Variants in THOC1 observed in about 807,000 individuals in gnomAD.
The protein encoded by THOC1 is THO complex 1.
A neutral mutation model predicts 97.3 loss-of-function variants in THOC1; 29 were observed. That is an observed-to-expected ratio of 0.30 (90% confidence interval 0.22 to 0.41). The LOEUF (loss-of-function observed/expected upper bound fraction) is 0.41. Ranked by LOEUF, THOC1 falls within the 10% of genes least tolerant of loss-of-function variation. The pLI, the probability that THOC1 is intolerant of heterozygous loss-of-function variation, is 1.00. For synonymous variants in THOC1, 255 were observed against 257.0 expected (o/e 0.99, Z 0.07); for missense variants, 529 against 761.9 (o/e 0.69, Z 3.60).
At chr18:217,024 CAA>C (rs1910915301) in intron 18 of THOC1, among the ~76,000 whole-genome samples, 1 of 152,166 alleles carries the variant, frequency 6.6e-6, no homozygotes, top group Admixed American at 6.5e-5. Context: ...TGAAGTATAA[CAA>C]TGATCAGGGT....
intron 18 of THOC1, among the ~76,000 whole-genome samples, chr18:217,177 A>C (rs1910921968): frequency 1.3e-5 from 2 of 152,212 alleles, no homozygotes; most frequent in African/African-American, 2.4e-5. Context: ...CTCCCCTAAG[A>C]ATAGCAATTT....
chr18:238,836 CAA>C (rs1347684658), intron 11 of THOC1, among the ~76,000 whole-genome samples: 5 of 152,062 alleles, frequency 3.3e-5, no homozygotes, highest in Admixed American at 3.3e-4. Context: ...TACTCATAGT[CAA>C]TGTAAAACAA....
intron 17 of THOC1, among the ~76,000 whole-genome samples, chr18:222,634 T>C (rs1911131647): frequency 6.6e-6 from 1 of 152,066 alleles, no homozygotes; most frequent in South Asian, 2.1e-4. Context: ...GAGTTAATGA[T>C]AGTTGAGGAG....
intron 1 of THOC1, among the ~76,000 whole-genome samples, chr18:266,925 G>C (rs949218299): frequency 1.2e-4 from 18 of 151,870 alleles, no homozygotes; most frequent in African/African-American, 4.4e-4. Context: ...CAAAGAAAAT[G>C]ATTATGATGA....
At chr18:244,235 T>C (rs947330745) in intron 11 of THOC1, 1 of 152,170 alleles carries the variant, frequency 6.6e-6, no homozygotes, top group Admixed American at 6.5e-5. Context: ...TTTAAATCAT[T>C]CATGACTTTT....
At chr18:265,592 A>G (rs917382010) in intron 1 of THOC1, 62 bp from the exon 2 acceptor site, 1 of 1,313,224 alleles carries the variant, frequency 7.6e-7, no homozygotes, top group Non-Finnish European at 1.0e-6. Context: ...GCTGAAAAAT[A>G]TATCGTTCAT....
At chr18:248,979 T>C (rs1032940238) in intron 9 of THOC1, among the ~76,000 whole-genome samples, 3 of 152,250 alleles carry the variant, frequency 2.0e-5, no homozygotes, top group African/African-American at 7.2e-5. Flanking sequence ...CTCGAGTTCC[T>C]GACTTCATGA....
intron 19 of THOC1, chr18:215,784 T>G: frequency 2.4e-5 from 8 of 328,672 alleles, no homozygotes; most frequent in South Asian, 4.6e-5. Flanking sequence ...GATTTGCAAA[T>G]ACCCAGGGTT....
intron 1 of THOC1, among the ~76,000 whole-genome samples, chr18:267,236 C>T (rs1483341268): frequency 6.6e-6 from 1 of 152,088 alleles, no homozygotes; most frequent in African/African-American, 2.4e-5. Flanking sequence ...ATAAAAAGAA[C>T]AGAGTGTCTA....
At chr18:235,446 A>AT (rs1319524267) in intron 11 of THOC1, among the ~76,000 whole-genome samples, 2 of 151,886 alleles carry the variant, frequency 1.3e-5, no homozygotes, top group African/African-American at 2.4e-5. Context: ...CTTTCTTGAC[A>AT]TTTTTTCCAT....
In THOC1 at chr18:214,793, C is replaced by T. The variant is rs778910404; in HGVS notation, c.1807G>A (p.Glu603Lys). 31 of 1,613,838 alleles carry T rather than the reference C, an allele frequency of 1.9e-5. No individual in the cohort carries two copies. The highest frequency in any genetic ancestry group is 2.5e-5 in the Non-Finnish European group (29 of 1,179,884). Reference protein sequence around the residue: ...EMKDSEIRQIECDSEDMKMRA... With the variant: ...EMKDSEIRQIKCDSEDMKMRA... ...ATCTTCATGTCTTCACTGTCACACT[C>T]AATCTGCCTAATTTCTGAGTCTTTC... The change falls in exon 21 of 21, where the codon GAG (glutamate) becomes AAG (lysine). Residue 603 changes from glutamate to lysine, a missense_variant. Around this residue, in one of 8 missense-constraint regions of THOC1, gnomAD observed 98 missense variants for 111.9 expected, o/e 0.88. Transcript: ENST00000261600.
At chr18:249,774 A>G (rs1381260220) in intron 9 of THOC1, among the ~76,000 whole-genome samples, 1 of 152,246 alleles carries the variant, frequency 6.6e-6, no homozygotes, top group African/African-American at 2.4e-5. Context: ...AACAAGAACC[A>G]ATATTTGTAT....
chr18:252,486 T>C (rs367587767), intron 9 of THOC1, 53 bp downstream of exon 9: 39 of 1,359,788 alleles, frequency 2.9e-5, no homozygotes, highest in South Asian at 8.3e-5. Context: ...GGATACTCAA[T>C]AAATTAGGAG....
intron 17 of THOC1, among the ~76,000 whole-genome samples, chr18:221,088 T>C (rs1343689550): frequency 6.6e-6 from 1 of 152,210 alleles, no homozygotes; most frequent in Non-Finnish European, 1.5e-5. Flanking sequence ...CCATTATGAC[T>C]TCTTTGATTC....
At chr18:234,039 T>C (rs1911587760) in intron 11 of THOC1, among the ~76,000 whole-genome samples, 1 of 152,260 alleles carries the variant, frequency 6.6e-6, no homozygotes, top group Non-Finnish European at 1.5e-5. Context: ...TGTTTCTCTA[T>C]GAAGATTACG....
chr18:246,930 A>C (rs561078938), intron 10 of THOC1, among the ~76,000 whole-genome samples: 13 of 152,034 alleles, frequency 8.6e-5, no homozygotes, highest in South Asian at 4.1e-4. Flanking sequence ...AAAAAAAAAA[A>C]AAAAAACGAA....
intron 13 of THOC1, 66 bp downstream of exon 13, chr18:225,271 G>C: frequency 6.3e-7 from 1 of 1,581,530 alleles, no homozygotes; most frequent in Non-Finnish European, 8.6e-7. Context: ...CCTATTTGGG[G>C]CTGAAACAAA....
At chr18:256,156 T>C (rs1194394368) in intron 7 of THOC1, among the ~76,000 whole-genome samples, 1 of 152,174 alleles carries the variant, frequency 6.6e-6, no homozygotes, top group Non-Finnish European at 1.5e-5. Context: ...ATTTCAGCTT[T>C]CAAGTCTTAT....
At chr18:233,934 G>A (rs1006528773) in intron 11 of THOC1, among the ~76,000 whole-genome samples, 2 of 152,132 alleles carry the variant, frequency 1.3e-5, no homozygotes, top group Non-Finnish European at 2.9e-5. Flanking sequence ...AACCCATTTG[G>A]ATACTGATTC....
Sources: allele counts gnomAD v4.1 joint callset (sites outside exome capture counted in the v4.1 genomes callset), GRCh38; gene constraint gnomAD v4.1.1; regional missense constraint gnomAD v4.1.1; transcripts MANE v1.5; gene names NCBI Gene and HGNC (gene_info 2026-07-23, HGNC 2026-07-21).